The following ICA1 variants were observed in gnomAD, a reference collection of about 807,000 sequenced individuals.
The protein encoded by ICA1 is islet cell autoantigen 1.
In ICA1, 40 loss-of-function variants were observed where a neutral mutation model predicts 71.0. The observed-to-expected ratio is 0.56, with a 90% CI of 0.44 to 0.73. ICA1 has a LOEUF of 0.73. Ranked by LOEUF, ICA1 falls within the 30% of genes least tolerant of loss-of-function variation. The probability of loss-of-function intolerance (pLI) is 0.00; values close to 1 mark genes in which losing one functional copy is unlikely to be tolerated. For synonymous variants in ICA1, 207 were observed against 209.5 expected (o/e 0.99, Z 0.10); for missense variants, 578 against 576.5 (o/e 1.00, Z -0.03).
At chr7:8,177,671 C>T (rs780202322) in intron 6 of ICA1, among the ~76,000 whole-genome samples, 25 of 152,122 alleles carry the variant, frequency 1.6e-4, no homozygotes, top group Admixed American at 1.4e-3. Context: ...TTTTATAGTA[C>T]AGTATAGTTT....
chr7:8,141,047 G>A (rs1369664613), intron 10 of ICA1, among the ~76,000 whole-genome samples: 7 of 152,190 alleles, frequency 4.6e-5, no homozygotes, highest in South Asian at 4.1e-4. Flanking sequence ...ACATTCCCCC[G>A]CATCTCCGAG....
chr7:8,245,838 C>A (rs1164282537), intron 1 of ICA1, among the ~76,000 whole-genome samples: 1 of 152,146 alleles, frequency 6.6e-6, no homozygotes, highest in Non-Finnish European at 1.5e-5. Flanking sequence ...CCATATTGAA[C>A]AGTACAAGTT....
chr7:8,138,953 A>G (rs1167719478), intron 11 of ICA1, 32 bp downstream of exon 11: 3 of 1,602,040 alleles, frequency 1.9e-6, no homozygotes, highest in Non-Finnish European at 2.6e-6. Flanking sequence ...TCAAATAATT[A>G]AAATTGAGTA....
intron 8 of ICA1, among the ~76,000 whole-genome samples, chr7:8,148,955 A>G (rs1584549669): frequency 6.6e-6 from 1 of 152,324 alleles, no homozygotes; most frequent in African/African-American, 2.4e-5. Flanking sequence ...TTGGATCACA[A>G]ACGCTCAACT....
chr7:8,237,498 G>A (rs1317392167), intron 1 of ICA1, among the ~76,000 whole-genome samples: 2 of 152,088 alleles, frequency 1.3e-5, no homozygotes, highest in Non-Finnish European at 1.5e-5. Context: ...GTACAGTATA[G>A]TAGTGCTAAC....
At chr7:8,218,648 C>T (rs748486168) in intron 5 of ICA1, 145 bp from the exon 6 acceptor site, 37 of 680,960 alleles carry the variant, frequency 5.4e-5, no homozygotes, top group Middle Eastern at 2.4e-4. Flanking sequence ...GAATAATAAT[C>T]GAAATGCATG....
intron 2 of ICA1, among the ~76,000 whole-genome samples, chr7:8,233,113 A>C (rs753124963): frequency 6.6e-6 from 1 of 151,692 alleles, no homozygotes; most frequent in Non-Finnish European, 1.5e-5. Flanking sequence ...GTCAGAGATA[A>C]AGCCAGACAC....
chr7:8,219,713 A>G (rs904423545), intron 5 of ICA1, among the ~76,000 whole-genome samples: 2 of 152,246 alleles, frequency 1.3e-5, no homozygotes, highest in African/African-American at 4.8e-5. Flanking sequence ...AATAGAATAT[A>G]TGGCTGTTGC....
At position 8,173,100 on chromosome 7, in the gene ICA1, A is replaced by C. The variant is rs1474889658; in HGVS notation, c.580-14448T>G. Among the ~76,000 whole-genome samples the C allele has an allele frequency of 6.6e-5, 10 of 152,182 alleles. No individual in the cohort carries two copies. Among genetic ancestry groups the C allele is most frequent in the Non-Finnish European group, 1.5e-4 (10 of 68,022 alleles). ...TGCATTTTCTGGCTCTGTTCACTGT[A>C]AAGGTCTACAAGTAACGGCTAACTT... On this transcript the variant is annotated intron_variant, in intron 6 of 13. Transcript: ENST00000402384. This position sits in a 1 kb window ranked among gnomAD's most constrained non-coding sequence, Gnocchi z 4.0.
intron 13 of ICA1, among the ~76,000 whole-genome samples, chr7:8,124,111 A>ATTTTTTT (rs536582712): frequency 9.3e-6 from 1 of 107,412 alleles, no homozygotes; most frequent in Non-Finnish European, 1.8e-5. Flanking sequence ...GAATCATACA[A>ATTTTTTT]TTTTTTTTTT....
chr7:8,229,476 T>G (rs988948782), intron 3 of ICA1, among the ~76,000 whole-genome samples: 3 of 152,176 alleles, frequency 2.0e-5, no homozygotes, highest in African/African-American at 7.2e-5. Flanking sequence ...AGGGACCAGA[T>G]ATGGTATCAA....
intron 6 of ICA1, among the ~76,000 whole-genome samples, chr7:8,181,263 G>A (rs1036473159): frequency 2.6e-5 from 4 of 152,052 alleles, no homozygotes; most frequent in African/African-American, 9.7e-5. Flanking sequence ...TTACAGTAAT[G>A]CTGTTAACAT....
chr7:8,261,795 G>A (rs1053075458), intron 1 of ICA1, among the ~76,000 whole-genome samples: 4 of 152,176 alleles, frequency 2.6e-5, no homozygotes, highest in Non-Finnish European at 5.9e-5. Context: ...TCCCAGCGCT[G>A]GGGCCGGAGC....
At chr7:8,195,542 CAAAACA>C (rs58143077) in intron 6 of ICA1, among the ~76,000 whole-genome samples, 2,220 of 149,492 alleles carry the variant, frequency 0.015, 22 homozygotes, top group East Asian at 0.064. Context: ...AACTCTATCT[CAAAACA>C]AAAACAAAAA....
chr7:8,229,563 C>T (rs572071698), intron 3 of ICA1, among the ~76,000 whole-genome samples: 1 of 152,338 alleles, frequency 6.6e-6, no homozygotes, highest in South Asian at 2.1e-4. Context: ...CCCTCTTTCT[C>T]TCTCCTAGTT....
intron 13 of ICA1, among the ~76,000 whole-genome samples, chr7:8,126,433 G>A (rs773511651): frequency 3.3e-5 from 5 of 151,956 alleles, no homozygotes; most frequent in Non-Finnish European, 7.4e-5. Context: ...AAACATTTTT[G>A]GATTTCATTT....
chr7:8,256,736 C>T (rs933076176), intron 1 of ICA1, among the ~76,000 whole-genome samples: 5 of 152,192 alleles, frequency 3.3e-5, no homozygotes, highest in African/African-American at 1.2e-4. Flanking sequence ...CTGTAGGTCC[C>T]ATGAGTACAG....
intron 8 of ICA1, among the ~76,000 whole-genome samples, chr7:8,146,577 C>A (rs1245869674): frequency 6.6e-6 from 1 of 152,042 alleles, no homozygotes; most frequent in Non-Finnish European, 1.5e-5. Context: ...ATACACGATC[C>A]TTGGCTGCTG....
intron 1 of ICA1, among the ~76,000 whole-genome samples, chr7:8,259,259 T>G (rs1467984670): frequency 6.6e-6 from 1 of 152,126 alleles, no homozygotes; most frequent in Non-Finnish European, 1.5e-5. Context: ...CACGCTAAGA[T>G]TTTGCATTTC....
Sources: allele counts gnomAD v4.1 joint callset (sites outside exome capture counted in the v4.1 genomes callset), GRCh38; gene constraint gnomAD v4.1.1; non-coding constraint Gnocchi (gnomAD v3.1); transcripts MANE v1.5; gene names NCBI Gene and HGNC (gene_info 2026-07-23, HGNC 2026-07-21).